The following P4HA1 variants were observed in gnomAD, a reference collection of about 807,000 sequenced individuals.
The protein encoded by P4HA1 is prolyl 4-hydroxylase subunit alpha-1.
In P4HA1, 24 loss-of-function variants were observed where a neutral mutation model predicts 72.8. That is an observed-to-expected ratio of 0.33 (90% CI 0.24 to 0.46). The LOEUF (loss-of-function observed/expected upper bound fraction) is 0.46, where lower values mean the gene tolerates loss of function less well. Ranked by LOEUF, P4HA1 falls within the 20% of genes least tolerant of loss-of-function variation. The pLI is 1.00. For synonymous variants in P4HA1, 201 were observed against 218.8 expected (o/e 0.92, Z 0.72); for missense variants, 446 against 640.6 (o/e 0.70, Z 3.28).
chr10:73,058,537 G>A (rs1215517133), intron 5 of P4HA1, among the ~76,000 whole-genome samples: 1 of 151,966 alleles, frequency 6.6e-6, no homozygotes, highest in Non-Finnish European at 1.5e-5. Context: ...ATGGGTCTGG[G>A]GACTAACGGT....
chr10:73,067,789 T>C (rs563414508), intron 5 of P4HA1, among the ~76,000 whole-genome samples: 3 of 152,288 alleles, frequency 2.0e-5, no homozygotes, highest in Admixed American at 6.5e-5. Flanking sequence ...GGTCCAGCAA[T>C]AGGTTTCTTT....
At chr10:73,029,902 C>CT (rs1840394987) in intron 10 of P4HA1, among the ~76,000 whole-genome samples, 1 of 151,832 alleles carries the variant, frequency 6.6e-6, no homozygotes, top group Non-Finnish European at 1.5e-5. Flanking sequence ...AAACTGTTTG[C>CT]TTAAAAATAA....
At chr10:73,065,213 A>T (rs1346003118) in intron 5 of P4HA1, 1 of 149,926 alleles carries the variant, frequency 6.7e-6, no homozygotes, top group Non-Finnish European at 1.5e-5. Context: ...ACTGACCCCC[A>T]CCCCCTAAAA....
intron 11 of P4HA1, 29 bp from the exon 12 acceptor site, chr10:73,014,318 G>A: frequency 1.3e-6 from 2 of 1,546,910 alleles, no homozygotes; most frequent in South Asian, 2.2e-5. Context: ...TAAATTCAAT[G>A]GTGTAAAAAT....
At chr10:73,061,258 T>C (rs1350954474) in intron 5 of P4HA1, among the ~76,000 whole-genome samples, 2 of 152,058 alleles carry the variant, frequency 1.3e-5, no homozygotes, top group Admixed American at 6.6e-5. Context: ...ACCTATGGAG[T>C]TAATTTTAAA....
chr10:73,061,027 T>C (rs1166463260), intron 5 of P4HA1, among the ~76,000 whole-genome samples: 4 of 152,088 alleles, frequency 2.6e-5, no homozygotes, highest in Non-Finnish European at 5.9e-5. Flanking sequence ...AAAGGAATAA[T>C]GGAATGAAAA....
intron 5 of P4HA1, among the ~76,000 whole-genome samples, chr10:73,059,771 TAAAATAAAAAATA>T (rs1233522893): frequency 1.4e-5 from 2 of 147,924 alleles, no homozygotes; most frequent in African/African-American, 5.1e-5. Context: ...TAAAAATAAA[TAAAATAAAAAATA>T]AAAAAAAATA....
At position 73,096,835 on chromosome 10, in the gene P4HA1, C is replaced by T. The variant is rs956337317; in HGVS notation, c.-102G>A. On this transcript the variant is annotated 5_prime_UTR_variant, in exon 1 of 15. Coordinates refer to ENST00000394890, the MANE Select transcript of P4HA1 (RefSeq NM_001017962.3). ...CGCCTCCACTCGGAGCGGCTACTTC[C>T]TACCCTCAGCCCGCTGGCGGCGCGA... The T allele has an allele frequency of 6.5e-6, 1 of 152,722 alleles. No homozygotes were observed. Among genetic ancestry groups the T allele is most frequent in the African/African-American group, 2.4e-5 (1 of 41,450 alleles). 9.5% of individuals were successfully genotyped at this position (152,722 alleles called of 1,614,324 possible). A position where few individuals can be genotyped will look rare whatever the true frequency, so the allele number is the denominator to read the frequency against.
At chr10:73,030,505 G>C in intron 9 of P4HA1, 135 bp from the exon 10 acceptor site, 1 of 419,018 alleles carries the variant, frequency 2.4e-6, no homozygotes, top group Non-Finnish European at 4.2e-6. Context: ...TCATTTTCTT[G>C]CTTAGTATCA....
chr10:73,027,321 C>T (rs1052912869), intron 10 of P4HA1, among the ~76,000 whole-genome samples: 3 of 151,742 alleles, frequency 2.0e-5, no homozygotes, highest in Admixed American at 6.6e-5. Flanking sequence ...AGCTGGAAAC[C>T]ATCATTCTCA....
At position 73,072,746 on chromosome 10, in the gene P4HA1, C is replaced by T. The variant is rs117975647; in HGVS notation, c.174-566G>A. ...AACTGTATCAATTAAATAACACTAACGCTACCATCACTATAATCTCTACAA... is the reference window on the plus strand; with the variant it reads ...AACTGTATCAATTAAATAACACTAATGCTACCATCACTATAATCTCTACAA... On this transcript the variant is annotated intron_variant, in intron 3 of 14. Transcript: ENST00000394890. 2.9e-3 allele frequency among the ~76,000 whole-genome samples: 435 copies of T among 152,220 alleles called. 1 individual carries two copies. Among genetic ancestry groups the T allele is most frequent in the Middle Eastern group, 6.8e-3 (2 of 294 alleles).
intron 5 of P4HA1, among the ~76,000 whole-genome samples, chr10:73,064,935 T>G (rs1285309873): frequency 1.3e-5 from 2 of 152,204 alleles, no homozygotes. Context: ...CAAAAATTCT[T>G]GCACTTCACA....
intron 11 of P4HA1, among the ~76,000 whole-genome samples, chr10:73,015,670 G>T (rs1839994717): frequency 6.6e-6 from 1 of 152,170 alleles, no homozygotes; most frequent in Non-Finnish European, 1.5e-5. Context: ...CTACACTGTG[G>T]CAGATCCTCC....
At chr10:73,036,703 T>G (rs1261891138) in intron 9 of P4HA1, among the ~76,000 whole-genome samples, 1 of 152,122 alleles carries the variant, frequency 6.6e-6, no homozygotes, top group Non-Finnish European at 1.5e-5. Context: ...TGGCCCAAAA[T>G]ACATTAAGAC....
chr10:73,047,741 A>G (rs1209971137), intron 7 of P4HA1, among the ~76,000 whole-genome samples: 1 of 152,130 alleles, frequency 6.6e-6, no homozygotes, highest in African/African-American at 2.4e-5. Context: ...TTTGTTGCCT[A>G]CTTCTCTTAA....
At chr10:73,070,614 G>A (rs1046818242) in intron 4 of P4HA1, among the ~76,000 whole-genome samples, 4 of 151,988 alleles carry the variant, frequency 2.6e-5, no homozygotes, top group Non-Finnish European at 5.9e-5. Context: ...TGGGAGTTTT[G>A]ACCTGCTCTG....
In P4HA1 at chr10:73,051,089, C is replaced by A; in HGVS notation, c.864G>T (p.Lys288Asn). The A allele has an allele frequency of 6.2e-7, 1 of 1,614,108 alleles. No individual in the cohort carries two copies. Residue 288 changes from lysine to asparagine, a missense_variant, in exon 7 of 15, where the codon AAG becomes AAT. Lys to Asn is a moderately conservative substitution (Grantham distance 94). Transcript: ENST00000394890. ...CCTCCCCACGGCACAGCATTTCGTA[C>A]TTCTGTCTCTCTGGCAGGTAATCCA... ...VAVDYLPERQ[K>N]YEMLCRGEGI...
chr10:73,078,282 C>T (rs529363053), intron 1 of P4HA1, among the ~76,000 whole-genome samples: 10 of 152,086 alleles, frequency 6.6e-5, no homozygotes, highest in Admixed American at 6.5e-4. Flanking sequence ...AAATAAGAAA[C>T]CATTTTTGCC....
chr10:73,050,458 T>C (rs1480466913), intron 7 of P4HA1, among the ~76,000 whole-genome samples: 1 of 151,856 alleles, frequency 6.6e-6, no homozygotes, highest in Non-Finnish European at 1.5e-5. Flanking sequence ...TCCCACCACT[T>C]TGGGAGACCA....
Sources: gnomAD v4.1 joint callset for allele counts (sites outside exome capture counted in the v4.1 genomes callset) on GRCh38, gnomAD v4.1.1 for gene constraint, MANE v1.5 for transcripts, NCBI Gene and HGNC (gene_info 2026-07-23, HGNC 2026-07-21) for gene names.